The following KLF8 variants were observed in gnomAD, a reference collection of about 807,000 sequenced individuals.
KLF8 encodes KLF transcription factor 8.
In KLF8, 10 loss-of-function variants were observed where a neutral mutation model predicts 18.2. That is an observed-to-expected ratio of 0.55 (90% CI 0.34 to 0.93). KLF8 has a LOEUF of 0.93. Among genes scored for constraint, KLF8 ranks in the 40% least tolerant of loss-of-function variants. The probability of loss-of-function intolerance (pLI) is 0.02; values close to 1 mark genes in which losing one functional copy is unlikely to be tolerated. For missense variants in KLF8, 264 were observed against 277.9 expected (o/e 0.95, Z 0.36); for synonymous variants, 109 against 97.3 (o/e 1.12, Z -0.71).
At chrX:56,195,368 C>T in the KLF8 span, among the ~76,000 whole-genome samples, 1 of 111,947 alleles carries the variant, frequency 8.9e-6, no homozygotes, top group African/African-American at 3.2e-5. Flanking sequence ...ACTAGAGTAA[C>T]TAGTGTAGAG....
At chrX:56,168,625 T>A in the KLF8 span, among the ~76,000 whole-genome samples, 2 of 109,571 alleles carry the variant, frequency 1.8e-5, no homozygotes, top group African/African-American at 6.6e-5. Flanking sequence ...ATTAGGTATA[T>A]CTCCTAATGC....
At chrX:56,041,062 G>T in the KLF8 span, among the ~76,000 whole-genome samples, 1 of 106,439 alleles carries the variant, frequency 9.4e-6, no homozygotes, top group Non-Finnish European at 1.9e-5. Context: ...GGTGTTTATC[G>T]TATTCTCTGA....
chrX:55,959,411 A>G, the KLF8 span, among the ~76,000 whole-genome samples: 3 of 112,144 alleles, frequency 2.7e-5, no homozygotes, highest in Non-Finnish European at 5.6e-5. Flanking sequence ...ATGGTTCTTA[A>G]CCAGACTGAA....
At chrX:56,052,109 T>G in the KLF8 span, among the ~76,000 whole-genome samples, 1 of 112,082 alleles carries the variant, frequency 8.9e-6, no homozygotes, top group Non-Finnish European at 1.9e-5. Context: ...AGCCTTGGTT[T>G]TCAGTTCCAT....
At chrX:55,989,829 G>C in the KLF8 span, among the ~76,000 whole-genome samples, 2 of 111,202 alleles carry the variant, frequency 1.8e-5, no homozygotes, top group Middle Eastern at 4.2e-3. Context: ...AATCCATCTG[G>C]TCCTGGACTC....
chrX:56,188,583 C>A, the KLF8 span, among the ~76,000 whole-genome samples: 2 of 111,863 alleles, frequency 1.8e-5, no homozygotes, highest in Non-Finnish European at 3.8e-5. Flanking sequence ...GCCAAAAGAA[C>A]AAAGCTGGAG....
At chrX:56,054,964 T>C in the KLF8 span, among the ~76,000 whole-genome samples, 5 of 111,852 alleles carry the variant, frequency 4.5e-5, no homozygotes, top group African/African-American at 1.6e-4. Context: ...TAAGTCTATG[T>C]GTGTGATTTC....
In KLF8 at chrX:56,284,761, C is replaced by T. The variant is rs2067250260; in HGVS notation, c.*267C>T. 7.4e-6 allele frequency: 2 copies of T among 270,917 alleles called. No homozygotes were observed. The highest frequency in any genetic ancestry group is 2.8e-5 in the African/African-American group (1 of 36,358). 22.3% of individuals were successfully genotyped at this position (270,917 alleles called of 1,213,427 possible). A position where few individuals can be genotyped will look rare whatever the true frequency, so the allele number is the denominator to read the frequency against. ...TGGCACCCATGGCTGCCTTCCCATC[C>T]CCCCCTGCTCTGAAATAGGACATTT... On this transcript the variant is annotated 3_prime_UTR_variant, in exon 6 of 6. Coordinates refer to ENST00000468660, the MANE Select transcript of KLF8 (RefSeq NM_007250.5).
chrX:56,255,496 A>G (rs2066779417), intron 2 of KLF8, among the ~76,000 whole-genome samples: 1 of 112,475 alleles, frequency 8.9e-6, no homozygotes, highest in Non-Finnish European at 1.9e-5. Context: ...GCCAGGTCTT[A>G]GAGGAAAGGC....
chrX:56,244,792 T>C (rs1162345443), intron 1 of KLF8, among the ~76,000 whole-genome samples: 1 of 112,460 alleles, frequency 8.9e-6, no homozygotes, highest in Non-Finnish European at 1.9e-5. Context: ...CTCAAAACCC[T>C]TAAGCATTGA....
chrX:56,184,703 C>A, the KLF8 span, among the ~76,000 whole-genome samples: 1 of 111,742 alleles, frequency 8.9e-6, no homozygotes, highest in Non-Finnish European at 1.9e-5. Context: ...CAGACAGCAG[C>A]ATTCGTGGTT....
At chrX:56,282,230 G>A (rs1359254337) in intron 5 of KLF8, among the ~76,000 whole-genome samples, 2 of 112,303 alleles carry the variant, frequency 1.8e-5, no homozygotes, top group African/African-American at 6.5e-5. Context: ...CCTCCTTGGA[G>A]AGAGAGAGAC....
chrX:56,146,112 T>A, the KLF8 span, among the ~76,000 whole-genome samples: 1 of 112,124 alleles, frequency 8.9e-6, no homozygotes, highest in Non-Finnish European at 1.9e-5. Flanking sequence ...ACACTGTTGG[T>A]GGGAGTGTAA....
the KLF8 span, among the ~76,000 whole-genome samples, chrX:56,140,304 C>T: frequency 8.9e-6 from 1 of 111,747 alleles, no homozygotes; most frequent in Non-Finnish European, 1.9e-5. Context: ...GACACACACA[C>T]TCGTATGTTC....
At chrX:55,969,163 C>T in the KLF8 span, among the ~76,000 whole-genome samples, 1 of 111,919 alleles carries the variant, frequency 8.9e-6, no homozygotes, top group East Asian at 2.8e-4. Flanking sequence ...CATTCTTCTC[C>T]TTAGCACATG....
At chrX:56,105,525 C>T in the KLF8 span, among the ~76,000 whole-genome samples, 1 of 109,715 alleles carries the variant, frequency 9.1e-6, no homozygotes, top group Non-Finnish European at 1.9e-5. Context: ...ACTAGAACTG[C>T]AACCCCTGCT....
At chrX:56,066,413 G>C in the KLF8 span, among the ~76,000 whole-genome samples, 2 of 112,221 alleles carry the variant, frequency 1.8e-5, no homozygotes, top group African/African-American at 6.5e-5. Flanking sequence ...GTAGACAGGG[G>C]CCTGGATATG....
the KLF8 span, among the ~76,000 whole-genome samples, chrX:55,933,183 C>A: frequency 9.0e-6 from 1 of 111,117 alleles, no homozygotes; most frequent in Non-Finnish European, 1.9e-5. Context: ...CTTTAATGTA[C>A]CTATGACTCA....
At chrX:56,187,608 G>C in the KLF8 span, among the ~76,000 whole-genome samples, 1 of 111,480 alleles carries the variant, frequency 9.0e-6, no homozygotes, top group African/African-American at 3.3e-5. Context: ...GATGAACATC[G>C]ATGCAAACTT....
Sources: allele counts gnomAD v4.1 joint callset (sites outside exome capture counted in the v4.1 genomes callset), GRCh38; gene constraint gnomAD v4.1.1; transcripts MANE v1.5; gene names NCBI Gene and HGNC (gene_info 2026-07-23, HGNC 2026-07-21).